The following PPP2R5E variants were observed in gnomAD, a reference collection of about 807,000 sequenced individuals.
The protein encoded by PPP2R5E is protein phosphatase 2 regulatory subunit B'epsilon.
In PPP2R5E, 4 loss-of-function variants were observed where a neutral mutation model predicts 65.3. That is an observed-to-expected ratio of 0.06 (90% CI 0.03 to 0.14). The LOEUF is 0.14. Among genes scored for constraint, PPP2R5E ranks in the 10% least tolerant of loss-of-function variants. PPP2R5E has a pLI of 1.00. For synonymous variants in PPP2R5E, 183 were observed against 187.4 expected (o/e 0.98, Z 0.19); for missense variants, 274 against 556.1 (o/e 0.49, Z 5.10).
At chr14:63,436,270 AGC>A (rs1201870457) in intron 3 of PPP2R5E, among the ~76,000 whole-genome samples, 4 of 152,262 alleles carry the variant, frequency 2.6e-5, no homozygotes, top group African/African-American at 9.6e-5. Context: ...GTTCCAAATC[AGC>A]TAATGCTCAA....
chr14:63,415,937 T>A (rs1436521040), intron 4 of PPP2R5E, among the ~76,000 whole-genome samples: 1 of 152,176 alleles, frequency 6.6e-6, no homozygotes, highest in African/African-American at 2.4e-5. Flanking sequence ...ATCCAAACAT[T>A]CAGAATTTTT....
chr14:63,385,858 C>T (rs961869806), intron 11 of PPP2R5E, among the ~76,000 whole-genome samples: 2 of 152,178 alleles, frequency 1.3e-5, no homozygotes, highest in African/African-American at 4.8e-5. Flanking sequence ...TGCTCAGTTT[C>T]TGGTCTCAGG....
chr14:63,468,779 TACTA>T (rs1349431178), intron 2 of PPP2R5E, among the ~76,000 whole-genome samples: 1 of 152,234 alleles, frequency 6.6e-6, no homozygotes, highest in Non-Finnish European at 1.5e-5. Context: ...TACTTATATA[TACTA>T]ACTAAAAGTA....
chr14:63,486,630 T>G (rs530833317), intron 2 of PPP2R5E, among the ~76,000 whole-genome samples: 35 of 152,178 alleles, frequency 2.3e-4, no homozygotes, highest in African/African-American at 8.2e-4. Flanking sequence ...AGTACTCCAC[T>G]GTTTCCCACC....
At chr14:63,485,242 A>C (rs961495034) in intron 2 of PPP2R5E, among the ~76,000 whole-genome samples, 1 of 151,228 alleles carries the variant, frequency 6.6e-6, no homozygotes, top group African/African-American at 2.4e-5. Context: ...ATGAATTAAG[A>C]TATGTGAATA....
At chr14:63,423,074 T>C (rs1295690637) in intron 3 of PPP2R5E, among the ~76,000 whole-genome samples, 1 of 152,218 alleles carries the variant, frequency 6.6e-6, no homozygotes, top group Non-Finnish European at 1.5e-5. Flanking sequence ...TACTATCTAT[T>C]ACTTCTGTAT....
chr14:63,539,234 A>G (rs1453652581), intron 2 of PPP2R5E, among the ~76,000 whole-genome samples: 1 of 152,248 alleles, frequency 6.6e-6, no homozygotes, highest in East Asian at 1.9e-4. Context: ...AACAGAAGAA[A>G]AAATGAAAAA....
In PPP2R5E at chr14:63,384,424, G is replaced by C. The variant is rs774077072; in HGVS notation, c.1202+20C>G. ...AGAGGAAGGGAGGAAGAGAACGGAG[G>C]AAAGAAACTGAAAACCTACGGATTC... On this transcript the variant is annotated intron_variant, in intron 12 of 13. Transcript: ENST00000337537. The C allele has an allele frequency of 1.2e-6, 2 of 1,606,530 alleles. No individual in the cohort carries two copies. Among genetic ancestry groups the C allele is most frequent in the Non-Finnish European group, 1.7e-6 (2 of 1,174,708 alleles).
At chr14:63,448,333 A>G (rs1288443000) in intron 3 of PPP2R5E, among the ~76,000 whole-genome samples, 4 of 152,134 alleles carry the variant, frequency 2.6e-5, no homozygotes, top group African/African-American at 7.2e-5. Context: ...TTTAAAAAGT[A>G]ACTTCAAAGA....
At chr14:63,426,656 C>G (rs901786871) in intron 3 of PPP2R5E, among the ~76,000 whole-genome samples, 12 of 133,800 alleles carry the variant, frequency 9.0e-5, no homozygotes, top group African/African-American at 3.4e-4. Flanking sequence ...TGCTGTCAAG[C>G]GAGAGTTAAG....
intron 3 of PPP2R5E, among the ~76,000 whole-genome samples, chr14:63,424,668 G>A (rs1336787654): frequency 6.6e-6 from 1 of 151,234 alleles, no homozygotes; most frequent in East Asian, 1.9e-4. Flanking sequence ...GGAGAATGGC[G>A]TGAACCCGGG....
chr14:63,428,128 C>T (rs1021369529), intron 3 of PPP2R5E, among the ~76,000 whole-genome samples: 4 of 152,158 alleles, frequency 2.6e-5, no homozygotes, highest in Admixed American at 2.0e-4. Flanking sequence ...AGAACTATAA[C>T]GATCTCTCAT....
intron 3 of PPP2R5E, among the ~76,000 whole-genome samples, chr14:63,449,017 C>T (rs973451431): frequency 1.3e-5 from 2 of 152,140 alleles, no homozygotes; most frequent in African/African-American, 4.8e-5. Flanking sequence ...TCTCAAAGTA[C>T]AAGTCCCATC....
intron 3 of PPP2R5E, among the ~76,000 whole-genome samples, chr14:63,431,994 T>C (rs1252841603): frequency 6.6e-6 from 1 of 150,794 alleles, no homozygotes; most frequent in South Asian, 2.1e-4. Flanking sequence ...AAAGAACATA[T>C]TAAAATGATC....
chr14:63,509,668 T>TA (rs1892372915), intron 2 of PPP2R5E, among the ~76,000 whole-genome samples: 1 of 152,174 alleles, frequency 6.6e-6, no homozygotes, highest in South Asian at 2.1e-4. Context: ...TTCCAAATGT[T>TA]AGAGGTTTGA....
intron 2 of PPP2R5E, among the ~76,000 whole-genome samples, chr14:63,469,230 T>C (rs1330012019): frequency 6.6e-6 from 1 of 152,084 alleles, no homozygotes; most frequent in Non-Finnish European, 1.5e-5. Context: ...CCTAATTAAA[T>C]GACCATATAG....
intron 2 of PPP2R5E, among the ~76,000 whole-genome samples, chr14:63,476,243 T>C (rs537408521): frequency 1.6e-4 from 25 of 152,146 alleles, no homozygotes; most frequent in African/African-American, 3.4e-4. Context: ...TTCTTCTTTT[T>C]CCCCCCCTTT....
At chr14:63,382,027 C>G (rs1884394922) in intron 13 of PPP2R5E, 29 bp downstream of exon 13, 3 of 1,566,566 alleles carry the variant, frequency 1.9e-6, no homozygotes, top group Non-Finnish European at 2.6e-6. Flanking sequence ...GCTTTATGCA[C>G]AGCTGACAAA....
chr14:63,503,477 C>G (rs1016629776), intron 2 of PPP2R5E, among the ~76,000 whole-genome samples: 1 of 152,142 alleles, frequency 6.6e-6, no homozygotes, highest in East Asian at 1.9e-4. Context: ...GATAGCAAAT[C>G]AACAACTCCA....
Sources: allele counts gnomAD v4.1 joint callset (sites outside exome capture counted in the v4.1 genomes callset), GRCh38; gene constraint gnomAD v4.1.1; transcripts MANE v1.5; gene names NCBI Gene and HGNC (gene_info 2026-07-23, HGNC 2026-07-21).